The following RSU1 variants were observed in gnomAD, a reference collection of about 807,000 sequenced individuals.
The protein encoded by RSU1 is Ras suppressor protein 1, also known as rsu-1.
RSU1 carries 26 observed loss-of-function variants against 31.1 expected under a neutral mutation model. The observed-to-expected ratio is 0.84, with a 90% CI of 0.61 to 1.16. The LOEUF (loss-of-function observed/expected upper bound fraction) is 1.16, where lower values mean the gene tolerates loss of function less well. RSU1 is among the 50% of genes most tolerant of loss of function. The pLI, the probability that RSU1 is intolerant of heterozygous loss-of-function variation, is 0.00. For missense variants in RSU1, 320 were observed against 339.1 expected (o/e 0.94, Z 0.44); for synonymous variants, 164 against 136.3 (o/e 1.20, Z -1.41).
chr10:16,627,272 A>T (rs1939405841), intron 8 of RSU1, among the ~76,000 whole-genome samples: 1 of 152,224 alleles, frequency 6.6e-6, no homozygotes, highest in South Asian at 2.1e-4. Flanking sequence ...TCAACAGTCA[A>T]TTCTATTCCC....
intron 2 of RSU1, among the ~76,000 whole-genome samples, chr10:16,812,860 C>A (rs1218942651): frequency 2.6e-5 from 4 of 152,178 alleles, no homozygotes; most frequent in Non-Finnish European, 5.9e-5. Context: ...AAGCTGATTA[C>A]AGGGCCCTTC....
chr10:16,599,877 A>G (rs1833686989), intron 8 of RSU1, among the ~76,000 whole-genome samples: 3 of 152,072 alleles, frequency 2.0e-5, no homozygotes, highest in Admixed American at 2.0e-4. Context: ...CCACTCGGCT[A>G]TGACAGCTGG....
chr10:16,701,104 G>T (rs1436999066), intron 7 of RSU1, among the ~76,000 whole-genome samples: 1 of 152,120 alleles, frequency 6.6e-6, no homozygotes, highest in Non-Finnish European at 1.5e-5. Context: ...GCAGAGCAAA[G>T]GATAAACATT....
intron 7 of RSU1, among the ~76,000 whole-genome samples, chr10:16,717,321 T>C (rs1273326566): frequency 6.6e-6 from 1 of 152,214 alleles, no homozygotes; most frequent in East Asian, 1.9e-4. Context: ...ATAAGTGACA[T>C]AACTGCCAAG....
intron 7 of RSU1, among the ~76,000 whole-genome samples, chr10:16,746,350 T>C (rs113448093): frequency 3.9e-5 from 6 of 152,344 alleles, no homozygotes; most frequent in Admixed American, 2.0e-4. Flanking sequence ...TTTTGATGTC[T>C]ATAGCACTTT....
At chr10:16,633,166 G>A (rs1179107023) in intron 8 of RSU1, among the ~76,000 whole-genome samples, 1 of 152,096 alleles carries the variant, frequency 6.6e-6, no homozygotes, top group Non-Finnish European at 1.5e-5. Context: ...CCAGCTGTGG[G>A]AACCAAAGTG....
intron 8 of RSU1, among the ~76,000 whole-genome samples, chr10:16,663,565 T>C (rs1236250747): frequency 2.0e-5 from 3 of 152,182 alleles, no homozygotes; most frequent in Non-Finnish European, 2.9e-5. Flanking sequence ...CATTATACAG[T>C]GCAGGAGCCT....
At chr10:16,750,694 G>A (rs1310914456) in intron 7 of RSU1, among the ~76,000 whole-genome samples, 1 of 152,022 alleles carries the variant, frequency 6.6e-6, no homozygotes, top group Non-Finnish European at 1.5e-5. Flanking sequence ...AAGCATACAT[G>A]TCAGAGGCAT....
intron 8 of RSU1, among the ~76,000 whole-genome samples, chr10:16,678,508 C>T (rs541467681): frequency 1.6e-3 from 240 of 152,218 alleles, no homozygotes; most frequent in African/African-American, 5.6e-3. Context: ...CAAAGGGAGA[C>T]TAAAAAGGAG....
chr10:16,781,600 T>A (rs746705580), intron 3 of RSU1, among the ~76,000 whole-genome samples: 2 of 152,248 alleles, frequency 1.3e-5, no homozygotes, highest in Non-Finnish European at 2.9e-5. Flanking sequence ...GGTCTGGCAA[T>A]TCAGGTCAGC....
At chr10:16,679,771 C>T (rs1184649918) in intron 8 of RSU1, among the ~76,000 whole-genome samples, 1 of 152,054 alleles carries the variant, frequency 6.6e-6, no homozygotes, top group Admixed American at 6.6e-5. Context: ...CCCACCATCA[C>T]CATCCTTCTG....
chr10:16,669,953 GTA>G (rs1226361637), intron 8 of RSU1, among the ~76,000 whole-genome samples: 2 of 152,170 alleles, frequency 1.3e-5, no homozygotes, highest in Non-Finnish European at 2.9e-5. Flanking sequence ...ATAGCATATA[GTA>G]TGTCTTTCTT....
chr10:16,614,888 C>A (rs974531079), intron 8 of RSU1, among the ~76,000 whole-genome samples: 1 of 151,906 alleles, frequency 6.6e-6, no homozygotes, highest in Non-Finnish European at 1.5e-5. Flanking sequence ...TGAGGAAGCA[C>A]TAAATATGGA....
chr10:16,722,496 T>C (rs1246276041), intron 7 of RSU1, among the ~76,000 whole-genome samples: 1 of 152,124 alleles, frequency 6.6e-6, no homozygotes, highest in Non-Finnish European at 1.5e-5. Context: ...TGTTACAATG[T>C]GAGGTGCCTC....
Position 16,794,823 on chromosome 10 carries a change from C to G in RSU1, c.110-12739G>C, listed in dbSNP as rs184639332. 1.3e-4 allele frequency among the ~76,000 whole-genome samples: 20 copies of G among 152,290 alleles called. No homozygotes were observed. The East Asian group carries it at 3.5e-3, about 26-fold the overall frequency. On this transcript the variant is annotated intron_variant, in intron 2 of 8. Coordinates refer to ENST00000345264, the MANE Select transcript of RSU1 (RefSeq NM_012425.4). ...TATAAACCTGAATGGAAAATTCCTT[C>G]CTATCTAGAATAAAATAAGACACAA... is the stretch of plus-strand genomic sequence containing the variant.
intron 2 of RSU1, among the ~76,000 whole-genome samples, chr10:16,803,646 G>A (rs1373515192): frequency 6.6e-6 from 1 of 152,116 alleles, no homozygotes; most frequent in Non-Finnish European, 1.5e-5. Flanking sequence ...TAGGTCACTG[G>A]AATAAAATAG....
chr10:16,689,883 T>C (rs1835509438), intron 8 of RSU1, among the ~76,000 whole-genome samples: 3 of 152,164 alleles, frequency 2.0e-5, no homozygotes, highest in African/African-American at 7.2e-5. Context: ...AAATGAGGCT[T>C]TAGGACTGCC....
At chr10:16,758,400 T>C (rs1474008625) in intron 4 of RSU1, among the ~76,000 whole-genome samples, 2 of 152,034 alleles carry the variant, frequency 1.3e-5, no homozygotes, top group East Asian at 3.9e-4. Context: ...TTTTGACACA[T>C]AGGAATTCCA....
intron 7 of RSU1, among the ~76,000 whole-genome samples, chr10:16,736,049 T>A (rs2131605114): frequency 6.6e-6 from 1 of 152,176 alleles, no homozygotes; most frequent in South Asian, 2.1e-4. Context: ...AATGCTGAAT[T>A]GAAAGGACAG....
Sources: allele counts gnomAD v4.1 joint callset (sites outside exome capture counted in the v4.1 genomes callset), GRCh38; gene constraint gnomAD v4.1.1; transcripts MANE v1.5; gene names NCBI Gene and HGNC (gene_info 2026-07-23, HGNC 2026-07-21).